GRM1: variants seen among roughly 807,000 people sequenced by gnomAD.
GRM1 encodes the protein metabotropic glutamate receptor 1.
A neutral mutation model predicts 90.9 loss-of-function variants in GRM1; 33 were observed. The observed-to-expected ratio is 0.36, with a 90% CI of 0.28 to 0.49. GRM1 has a LOEUF of 0.49. Ranked by LOEUF, GRM1 falls within the 20% of genes least tolerant of loss-of-function variation. GRM1 has a pLI of 0.99. For missense variants in GRM1, 1,190 were observed against 1,534.3 expected (o/e 0.78, Z 3.75); for synonymous variants, 700 against 613.2 (o/e 1.14, Z -2.09).
At chr6:146,164,423 A>T (rs1288941555) in intron 2 of GRM1, among the ~76,000 whole-genome samples, 1 of 152,170 alleles carries the variant, frequency 6.6e-6, no homozygotes, top group Non-Finnish European at 1.5e-5. Flanking sequence ...TTTTGGTATG[A>T]TAACTTTTTA....
intron 1 of GRM1, among the ~76,000 whole-genome samples, chr6:146,107,364 T>C (rs984223010): frequency 6.6e-6 from 1 of 152,120 alleles, no homozygotes; most frequent in Non-Finnish European, 1.5e-5. Context: ...CAGGTAGTTT[T>C]TTTTTTTTTA....
At chr6:146,382,089 G>C (rs1776337430) in intron 5 of GRM1, among the ~76,000 whole-genome samples, 1 of 152,070 alleles carries the variant, frequency 6.6e-6, no homozygotes, top group African/African-American at 2.4e-5. Context: ...GTAGGTCTTA[G>C]AAAGCCTTAG....
At chr6:146,356,474 T>G (rs1785588339) in intron 4 of GRM1, among the ~76,000 whole-genome samples, 1 of 152,172 alleles carries the variant, frequency 6.6e-6, no homozygotes, top group South Asian at 2.1e-4. Flanking sequence ...CATGAGAACT[T>G]TGTCCTCATG....
chr6:146,347,365 G>A (rs1785221900), intron 3 of GRM1, among the ~76,000 whole-genome samples: 1 of 152,072 alleles, frequency 6.6e-6, no homozygotes, highest in African/African-American at 2.4e-5. Flanking sequence ...TGATTTTAGT[G>A]GGCCAGCCAA....
At chr6:146,240,782 G>C (rs1211745269) in intron 2 of GRM1, among the ~76,000 whole-genome samples, 1 of 152,104 alleles carries the variant, frequency 6.6e-6, no homozygotes, top group Non-Finnish European at 1.5e-5. Context: ...GTTTTCCTTT[G>C]AGGCTTATTC....
rs769380923 is a variant in GRM1, at chr6:146,434,361, G to A, written c.3150G>A (p.Ala1050=). 6.2e-7 allele frequency: 1 copy of A among 1,612,530 alleles called. No homozygotes were observed. The highest frequency in any genetic ancestry group is 1.7e-5 in the Admixed American group (1 of 59,984). The part of the protein sequence containing the change: ...NFSTAIPDFH[A]VLAGPGGPGN... The stretch of plus-strand genomic sequence containing the variant: ...GTACCGCGATCCCGGATTTTCACGC[G>A]GTGCTGGCAGGCCCCGGTGGTCCCG... Residue 1050 remains alanine (A), a synonymous_variant, in exon 8 of 8, where the codon GCG becomes GCA. Coordinates refer to ENST00000282753, the MANE Select transcript of GRM1 (RefSeq NM_001278064.2).
intron 1 of GRM1, among the ~76,000 whole-genome samples, chr6:146,120,882 A>C (rs1282290685): frequency 1.3e-5 from 2 of 152,124 alleles, no homozygotes; most frequent in African/African-American, 4.8e-5. Context: ...CATCAGAGAT[A>C]TTGGTCTAAA....
At chr6:146,184,364 A>C (rs942695069) in intron 2 of GRM1, among the ~76,000 whole-genome samples, 1 of 152,144 alleles carries the variant, frequency 6.6e-6, no homozygotes, top group African/African-American at 2.4e-5. Flanking sequence ...CTGCCTTCTG[A>C]GACAATCCAT....
rs147257448 is a variant in GRM1, at chr6:146,350,020, C to T, written c.1187-2230C>T. On this transcript the variant is annotated intron_variant, in intron 3 of 7. Coordinates refer to ENST00000282753, the MANE Select transcript of GRM1 (RefSeq NM_001278064.2). ...ACCTGTGTTCTCAAAATAATTGTTG[C>T]TAACACTAACTTTCTCTCTAAAAAA... is the stretch of plus-strand genomic sequence containing the variant. Among the ~76,000 whole-genome samples the T allele has an allele frequency of 1.0e-2, 1,518 of 152,108 alleles. 9 individuals are homozygous for T. The highest frequency in any genetic ancestry group is 0.015 in the Admixed American group (234 of 15,260).
At chr6:146,402,597 A>G (rs1429565271) in intron 7 of GRM1, among the ~76,000 whole-genome samples, 1 of 152,246 alleles carries the variant, frequency 6.6e-6, no homozygotes, top group Non-Finnish European at 1.5e-5. Context: ...TGTAATTCCT[A>G]CATTTATGGT....
chr6:146,249,848 G>A (rs1235803910), intron 2 of GRM1, among the ~76,000 whole-genome samples: 1 of 152,212 alleles, frequency 6.6e-6, no homozygotes, highest in East Asian at 1.9e-4. Flanking sequence ...GGTGGGTTGA[G>A]AGGGCTATAC....
chr6:146,308,081 ATGTCT>A (rs1418585111), intron 3 of GRM1, among the ~76,000 whole-genome samples: 1 of 152,188 alleles, frequency 6.6e-6, no homozygotes, highest in African/African-American at 2.4e-5. Flanking sequence ...CTTCCAGTAA[ATGTCT>A]TAGCTGCTTA....
chr6:146,273,076 T>C (rs1281613692), intron 2 of GRM1, among the ~76,000 whole-genome samples: 2 of 152,230 alleles, frequency 1.3e-5, no homozygotes, highest in East Asian at 3.8e-4. Context: ...GAATGTTGTG[T>C]GACTTGTTCT....
chr6:146,330,044 T>G (rs1276057750), intron 3 of GRM1, among the ~76,000 whole-genome samples: 1 of 152,226 alleles, frequency 6.6e-6, no homozygotes, highest in Middle Eastern at 3.4e-3. Flanking sequence ...TTTTGCTAGT[T>G]TCAGAGGAAA....
chr6:146,231,682 T>A (rs1159847550), intron 2 of GRM1, among the ~76,000 whole-genome samples: 1 of 152,136 alleles, frequency 6.6e-6, no homozygotes, highest in Non-Finnish European at 1.5e-5. Context: ...TTTGTTTGTT[T>A]TCTTTTGTGT....
At chr6:146,097,952 T>G (rs1468269261) in intron 1 of GRM1, among the ~76,000 whole-genome samples, 1 of 152,236 alleles carries the variant, frequency 6.6e-6, no homozygotes, top group Non-Finnish European at 1.5e-5. Context: ...TGTGATCTCC[T>G]TATTGACCAC....
intron 6 of GRM1, among the ~76,000 whole-genome samples, chr6:146,395,140 G>T (rs1776882440): frequency 1.3e-5 from 2 of 151,728 alleles, no homozygotes; most frequent in South Asian, 4.1e-4. Context: ...CCTTTTAGTT[G>T]GTTTACTGAA....
At chr6:146,101,065 C>A (rs1777034256) in intron 1 of GRM1, among the ~76,000 whole-genome samples, 1 of 152,030 alleles carries the variant, frequency 6.6e-6, no homozygotes, top group Non-Finnish European at 1.5e-5. Flanking sequence ...TGCCTTCTAG[C>A]CTGAATGACA....
intron 5 of GRM1, among the ~76,000 whole-genome samples, chr6:146,386,446 T>C (rs1222382607): frequency 6.6e-6 from 1 of 152,126 alleles, no homozygotes; most frequent in Non-Finnish European, 1.5e-5. Flanking sequence ...TTTTCATAAT[T>C]ACAACAAAAA....
Sources: allele counts gnomAD v4.1 joint callset (sites outside exome capture counted in the v4.1 genomes callset), GRCh38; gene constraint gnomAD v4.1.1; transcripts MANE v1.5; gene names NCBI Gene and HGNC (gene_info 2026-07-23, HGNC 2026-07-21).